PTPRA: variants seen among roughly 807,000 people sequenced by gnomAD.
PTPRA encodes the protein protein tyrosine phosphatase receptor type A, also known as receptor-type tyrosine-protein phosphatase alpha.
Under a neutral mutation model 104.8 loss-of-function variants are expected in PTPRA, and 25 were observed. The ratio of observed to expected loss-of-function variants is 0.24; its 90% CI spans 0.17 to 0.33. The LOEUF (loss-of-function observed/expected upper bound fraction) is 0.33, where lower values mean the gene tolerates loss of function less well. Among genes scored for constraint, PTPRA ranks in the 10% least tolerant of loss-of-function variants. The probability of loss-of-function intolerance (pLI) is 1.00; values close to 1 mark genes in which losing one functional copy is unlikely to be tolerated. For missense variants in PTPRA, 765 were observed against 1,015.3 expected (o/e 0.75, Z 3.35); for synonymous variants, 323 against 368.9 (o/e 0.88, Z 1.43).
chr20:3,021,194 A>G (rs1367384073), intron 13 of PTPRA, 115 bp from the exon 14 acceptor site: 1 of 1,437,738 alleles, frequency 7.0e-7, no homozygotes, highest in Non-Finnish European at 9.5e-7. Flanking sequence ...GAAGAGGTCA[A>G]AGGGCCTTCT....
In PTPRA at chr20:3,038,227, T is replaced by C. The variant is rs562238702; in HGVS notation, c.*94T>C. 68 of 1,246,006 alleles carry C rather than the reference T, an allele frequency of 5.5e-5. No homozygotes were observed. Among genetic ancestry groups the C allele is most frequent in the Non-Finnish European group, 7.5e-5 (65 of 871,394 alleles). 77.2% of individuals were successfully genotyped at this position (1,246,006 alleles called of 1,614,324 possible). ...TACCCCAAATTGTGTATATATCTTATAACTGTTTTAGAAATTGGTACATAG... is the reference window on the plus strand; with the variant it reads ...TACCCCAAATTGTGTATATATCTTACAACTGTTTTAGAAATTGGTACATAG... On this transcript the variant is annotated 3_prime_UTR_variant, in exon 24 of 24. Transcript: ENST00000399903.
At chr20:2,896,494 A>G (rs1292083008) in intron 1 of PTPRA, among the ~76,000 whole-genome samples, 2 of 152,266 alleles carry the variant, frequency 1.3e-5, no homozygotes, top group African/African-American at 4.8e-5. Flanking sequence ...TAGTTTACCC[A>G]GATTCCACAG....
At chr20:3,020,350 G>A (rs1460654289) in intron 13 of PTPRA, among the ~76,000 whole-genome samples, 6 of 151,836 alleles carry the variant, frequency 4.0e-5, no homozygotes, top group Admixed American at 2.0e-4. Context: ...CACCCACCTC[G>A]GCCTCCCAAA....
Position 3,038,374 on chromosome 20 carries a change from C to T in PTPRA, c.*241C>T. On this transcript the variant is annotated 3_prime_UTR_variant, in exon 24 of 24. Coordinates refer to ENST00000399903, the MANE Select transcript of PTPRA (RefSeq NM_001385305.1). ...GTTTGGATTGATATCGTGAAATCCTCAGCCGAGAAATTGGGCTGGATTGTG... is the reference window on the plus strand; with the variant it reads ...GTTTGGATTGATATCGTGAAATCCTTAGCCGAGAAATTGGGCTGGATTGTG... The T allele has an allele frequency of 2.4e-6, 1 of 413,740 alleles. No individual in the cohort carries two copies. Among genetic ancestry groups the T allele is most frequent in the Non-Finnish European group, 4.4e-6 (1 of 229,800 alleles). The allele number at this position is 413,740 out of a possible 1,614,324, so 25.6% of individuals were successfully genotyped here. A position where few individuals can be genotyped will look rare whatever the true frequency, so the allele number is the denominator to read the frequency against.
the PTPRA span, among the ~76,000 whole-genome samples, chr20:2,865,697 T>C: frequency 1.3e-5 from 2 of 152,198 alleles, no homozygotes; most frequent in Admixed American, 6.5e-5. The surrounding 1 kb of genome is among the most constrained non-coding windows in gnomAD (Gnocchi z 5.2). Flanking sequence ...CAAGTTTGCC[T>C]GCAGATGTTA....
chr20:2,987,350 A>G (rs2062952268), intron 7 of PTPRA, among the ~76,000 whole-genome samples: 1 of 151,814 alleles, frequency 6.6e-6, no homozygotes, highest in East Asian at 1.9e-4. Context: ...CCCTCTTTCT[A>G]ACCTTCTTTC....
chr20:2,971,589 C>T (rs1324432897), intron 5 of PTPRA, among the ~76,000 whole-genome samples: 1 of 152,152 alleles, frequency 6.6e-6, no homozygotes, highest in Non-Finnish European at 1.5e-5. Flanking sequence ...AGTTAAGCAG[C>T]TGGTAAATGC....
chr20:2,953,893 GGTTTT>G (rs1219238972), intron 3 of PTPRA, among the ~76,000 whole-genome samples: 1 of 151,288 alleles, frequency 6.6e-6, no homozygotes, highest in Non-Finnish European at 1.5e-5. Flanking sequence ...GCACAGCCAG[GGTTTT>G]GTTTTGTTTT....
chr20:2,957,978 A>C (rs907112846), intron 3 of PTPRA, among the ~76,000 whole-genome samples: 8 of 151,808 alleles, frequency 5.3e-5, no homozygotes, highest in African/African-American at 1.5e-4. Flanking sequence ...AGCATCTGGC[A>C]GTCCAAGTAT....
intron 5 of PTPRA, among the ~76,000 whole-genome samples, chr20:2,969,938 C>T (rs993607136): frequency 6.6e-6 from 1 of 151,348 alleles, no homozygotes; most frequent in Non-Finnish European, 1.5e-5. Context: ...CCACTACACT[C>T]CAGCCTGGGC....
intron 11 of PTPRA, among the ~76,000 whole-genome samples, chr20:3,008,253 T>TGGTA (rs2063967808): frequency 6.6e-6 from 1 of 152,212 alleles, no homozygotes; most frequent in South Asian, 2.1e-4. Context: ...AAATTAAATG[T>TGGTA]GGTACATGCA....
intron 1 of PTPRA, among the ~76,000 whole-genome samples, chr20:2,886,246 A>G (rs1250315841): frequency 1.3e-5 from 2 of 152,206 alleles, no homozygotes; most frequent in African/African-American, 4.8e-5. Context: ...AGGTTATTAT[A>G]GTAGTATGGT....
At chr20:3,006,946 G>A (rs1379828457) in intron 10 of PTPRA, among the ~76,000 whole-genome samples, 1 of 152,078 alleles carries the variant, frequency 6.6e-6, no homozygotes, top group Non-Finnish European at 1.5e-5. Context: ...TCTTATTTAT[G>A]TGCACATGTT....
At chr20:2,974,972 G>A (rs80217750) in intron 5 of PTPRA, among the ~76,000 whole-genome samples, 15 of 152,252 alleles carry the variant, frequency 9.9e-5, no homozygotes, top group African/African-American at 1.4e-4. Flanking sequence ...AATAACATGC[G>A]TTCTGTTTGC....
intron 5 of PTPRA, among the ~76,000 whole-genome samples, chr20:2,971,099 A>G (rs772336502): frequency 1.3e-5 from 2 of 152,228 alleles, no homozygotes; most frequent in Admixed American, 6.5e-5. Flanking sequence ...TTTGTAAAGT[A>G]TTTAATATCC....
intron 1 of PTPRA, among the ~76,000 whole-genome samples, chr20:2,895,007 TA>T (rs992695006): frequency 1.2e-4 from 17 of 145,356 alleles, no homozygotes; most frequent in Non-Finnish European, 2.4e-4. Flanking sequence ...AAAAAAAAAG[TA>T]GTTTGTCTTT....
chr20:2,979,781 C>T (rs1419441207), intron 6 of PTPRA, among the ~76,000 whole-genome samples: 1 of 152,214 alleles, frequency 6.6e-6, no homozygotes, highest in African/African-American at 2.4e-5. Flanking sequence ...TGGCCTCAAG[C>T]AGTCCTCCCA....
At chr20:2,979,190 G>A (rs555815012) in intron 6 of PTPRA, among the ~76,000 whole-genome samples, 30 of 152,288 alleles carry the variant, frequency 2.0e-4, no homozygotes, top group Admixed American at 1.2e-3. Context: ...CCTGTGGTTC[G>A]TTGGTTGATT....
At chr20:2,897,334 G>A (rs2059039414) in intron 1 of PTPRA, among the ~76,000 whole-genome samples, 1 of 150,296 alleles carries the variant, frequency 6.7e-6, no homozygotes, top group Admixed American at 6.6e-5. Flanking sequence ...TTGCTAGATG[G>A]TAAATTTAAA....
Sources: gnomAD v4.1 joint callset for allele counts (sites outside exome capture counted in the v4.1 genomes callset) on GRCh38, gnomAD v4.1.1 for gene constraint, Gnocchi (gnomAD v3.1) non-coding constraint, MANE v1.5 for transcripts, NCBI Gene and HGNC (gene_info 2026-07-23, HGNC 2026-07-21) for gene names.